ENAH: variants seen among roughly 807,000 people sequenced by gnomAD.
The protein encoded by ENAH is protein enabled homolog.
Under a neutral mutation model 78.7 loss-of-function variants are expected in ENAH, and 23 were observed. That is an observed-to-expected ratio of 0.29 (90% CI 0.21 to 0.41). The LOEUF (loss-of-function observed/expected upper bound fraction) is 0.41, where lower values mean the gene tolerates loss of function less well. Ranked by LOEUF, ENAH falls within the 10% of genes least tolerant of loss-of-function variation. The pLI, the probability that ENAH is intolerant of heterozygous loss-of-function variation, is 1.00. For missense variants in ENAH, 544 were observed against 691.0 expected (o/e 0.79, Z 2.39); for synonymous variants, 226 against 241.0 (o/e 0.94, Z 0.58).
At chr1:225,517,907 A>G (rs1469969696) in intron 5 of ENAH, 2 of 1,550,986 alleles carry the variant, frequency 1.3e-6, no homozygotes, top group Non-Finnish European at 8.7e-7. Context: ...ACTTTAGCGT[A>G]TGATGGAGGA....
chr1:225,498,563 T>C (rs1353527259), intron 12 of ENAH, among the ~76,000 whole-genome samples, 159 bp from the exon 13 acceptor site: 1 of 152,230 alleles, frequency 6.6e-6, no homozygotes. Flanking sequence ...TTGGTGAATT[T>C]TGTTTTAATA....
chr1:225,512,854 A>T lies in ENAH; in HGVS notation c.1364+17T>A. ...CCTCTCAATTCTGGGCATGTCCATT[A>T]TAATGAAATTCCTTACCTCCTGGCC... On this transcript the variant is annotated intron_variant, in intron 8 of 13. Transcript: ENST00000366843. 1 of 1,612,310 alleles carries T rather than the reference A, an allele frequency of 6.2e-7. No homozygotes were observed.
chr1:225,591,067 C>A (rs2096873192), intron 1 of ENAH, among the ~76,000 whole-genome samples: 1 of 152,170 alleles, frequency 6.6e-6, no homozygotes, highest in Admixed American at 6.5e-5. Flanking sequence ...AAGTTAAGAC[C>A]AGATGACAAT....
At chr1:225,597,109 T>C (rs901656589) in intron 1 of ENAH, among the ~76,000 whole-genome samples, 1 of 152,156 alleles carries the variant, frequency 6.6e-6, no homozygotes, top group Non-Finnish European at 1.5e-5. Context: ...ATCCTACATG[T>C]AGGACGTATA....
intron 6 of ENAH, 129 bp from the exon 7 acceptor site, chr1:225,515,029 A>T (rs879914532): frequency 1.8e-5 from 14 of 776,918 alleles, no homozygotes; most frequent in Admixed American, 1.7e-4. Flanking sequence ...AGTCCAATTT[A>T]TCATAGTTGT....
At chr1:225,514,564 A>T in intron 7 of ENAH, 32 bp downstream of exon 7, 1 of 1,521,984 alleles carries the variant, frequency 6.6e-7, no homozygotes. Context: ...AGAATAAGAC[A>T]TATTAAAAAA....
chr1:225,641,470 A>T (rs1016921684), intron 1 of ENAH, among the ~76,000 whole-genome samples: 167 of 115,010 alleles, frequency 1.5e-3, no homozygotes, highest in African/African-American at 5.5e-3. Flanking sequence ...CTCCATCTCT[A>T]AAAAAAAAAA....
At chr1:225,608,814 T>TC (rs1347705042) in intron 1 of ENAH, among the ~76,000 whole-genome samples, 4 of 34,692 alleles carry the variant, frequency 1.2e-4, no homozygotes, top group African/African-American at 4.7e-4. Flanking sequence ...AGACTCTGTC[T>TC]CAAAAAAAAA....
chr1:225,620,174 GA>G (rs1292874698), intron 1 of ENAH, among the ~76,000 whole-genome samples: 3 of 151,824 alleles, frequency 2.0e-5, no homozygotes, highest in Non-Finnish European at 2.9e-5. Context: ...GATGTAATGT[GA>G]TCTAGTATCT....
chr1:225,611,681 G>A (rs1278554552), intron 1 of ENAH, among the ~76,000 whole-genome samples: 7 of 152,076 alleles, frequency 4.6e-5, no homozygotes, highest in Non-Finnish European at 7.4e-5. Context: ...TGGCTACTCA[G>A]GAGGCTGAGG....
intron 1 of ENAH, among the ~76,000 whole-genome samples, chr1:225,621,227 A>T (rs1054475097): frequency 2.0e-5 from 3 of 151,792 alleles, no homozygotes; most frequent in Non-Finnish European, 4.4e-5. Context: ...CACACCAACC[A>T]TTCTCATTAT....
intron 2 of ENAH, among the ~76,000 whole-genome samples, chr1:225,562,934 C>T (rs1206339329): frequency 3.3e-5 from 5 of 151,430 alleles, no homozygotes; most frequent in Non-Finnish European, 7.4e-5. Context: ...GGTCACACCA[C>T]TGCATTCCAG....
rs1009413862 is a variant in ENAH at position 225,501,224 on chromosome 1, T to C, written c.1539-154A>G. 6 of 536,476 alleles carry C rather than the reference T, an allele frequency of 1.1e-5. No individual in the cohort carries two copies. In the African/African-American group the frequency reaches 1.2e-4, roughly 10 times the overall value. 33.2% of individuals were successfully genotyped at this position (536,476 alleles called of 1,614,324 possible). The stretch of plus-strand genomic sequence containing the variant: ...AAAATTATCAAAATTGTAGGGCTGA[T>C]TAGAACATAAAACAACATTTTTTCA... On this transcript the variant is annotated intron_variant, in intron 11 of 13. Coordinates refer to ENST00000366843, the MANE Select transcript of ENAH (RefSeq NM_018212.6).
chr1:225,636,955 G>T (rs1009471715), intron 1 of ENAH, among the ~76,000 whole-genome samples: 3 of 152,142 alleles, frequency 2.0e-5, no homozygotes, highest in Non-Finnish European at 4.4e-5. Flanking sequence ...ACTAAAGCAA[G>T]AATGGGATTG....
intron 1 of ENAH, among the ~76,000 whole-genome samples, chr1:225,575,220 C>T (rs1360370397): frequency 6.6e-6 from 1 of 152,220 alleles, no homozygotes; most frequent in African/African-American, 2.4e-5. Context: ...GTTCACAATG[C>T]TCAATGCTCA....
chr1:225,574,611 T>TATATAAAA (rs1558840545), intron 1 of ENAH, among the ~76,000 whole-genome samples: 2 of 26,124 alleles, frequency 7.7e-5, no homozygotes, highest in Admixed American at 3.6e-4. Context: ...CCAAAATATA[T>TATATAAAA]AAAAAAAAGG....
At position 225,601,772 on chromosome 1, in the gene ENAH, G is replaced by A. The variant is rs147004223; in HGVS notation, c.6-34358C>T. On this transcript the variant is annotated intron_variant, in intron 1 of 13. Transcript: ENST00000366843. ...ATAATTTTTATAAATATTCAAATTT[G>A]GAAACTAAAAAAAATATAACTTAAT... 1.5e-3 allele frequency among the ~76,000 whole-genome samples: 222 copies of A among 150,372 alleles called. 3 individuals carry two copies. The East Asian group carries it at 0.023, about 15-fold the overall frequency.
rs1206082644 is a variant in ENAH, at chr1:225,487,132, C to T, written c.*10643G>A. ...ACATGTCATGCACATACAGGTTACA[C>T]TTTATGGTTACATGAAATTGCATGC... On this transcript the variant is annotated 3_prime_UTR_variant, in exon 14 of 14. Transcript: ENST00000366843. 1 of 152,348 alleles carries T rather than the reference C, an allele frequency of 6.6e-6. No homozygotes were observed. The highest frequency in any genetic ancestry group is 1.5e-5 in the Non-Finnish European group (1 of 68,046). The allele number at this position is 152,348 out of a possible 1,614,324, so 9.4% of individuals were successfully genotyped here.
chr1:225,623,896 G>A (rs543611863), intron 1 of ENAH, among the ~76,000 whole-genome samples: 3 of 151,968 alleles, frequency 2.0e-5, no homozygotes, highest in African/African-American at 4.8e-5. Context: ...GTCAGTACCC[G>A]ATAAGTAGTT....
Sources: gnomAD v4.1 joint callset for allele counts (sites outside exome capture counted in the v4.1 genomes callset) on GRCh38, gnomAD v4.1.1 for gene constraint, MANE v1.5 for transcripts, NCBI Gene and HGNC (gene_info 2026-07-23, HGNC 2026-07-21) for gene names.